Variants in EMC1 observed in about 807,000 individuals in gnomAD.
EMC1 encodes the protein KIAA0090.
Under a neutral mutation model 128.8 loss-of-function variants are expected in EMC1, and 103 were observed. The observed-to-expected ratio is 0.80, with a 90% CI of 0.68 to 0.94. The LOEUF (loss-of-function observed/expected upper bound fraction) is 0.94, where lower values mean the gene tolerates loss of function less well. Ranked by LOEUF, EMC1 falls within the 40% of genes least tolerant of loss-of-function variation. The pLI is 0.00. For missense variants in EMC1, 1,083 were observed against 1,250.6 expected (o/e 0.87, Z 2.02); for synonymous variants, 442 against 490.4 (o/e 0.90, Z 1.30).
intron 20 of EMC1, among the ~76,000 whole-genome samples, chr1:19,222,200 C>G (rs116027244): frequency 6.0e-5 from 9 of 150,132 alleles, no homozygotes; most frequent in Admixed American, 6.6e-5. Context: ...TGGCTCACAC[C>G]TGTAATCCCA....
intron 1 of EMC1, among the ~76,000 whole-genome samples, chr1:19,251,207 G>A (rs1043936529): frequency 6.6e-6 from 1 of 152,176 alleles, no homozygotes; most frequent in Non-Finnish European, 1.5e-5. Flanking sequence ...GATCAGCTTA[G>A]AATGACCCCT....
At position 19,223,583 on chromosome 1, in the gene EMC1, G is replaced by A. The variant is rs749893372; in HGVS notation, c.2203-14C>T. 1 of 1,612,364 alleles carries A rather than the reference G, an allele frequency of 6.2e-7. No homozygotes were observed. The highest frequency in any genetic ancestry group is 1.1e-5 in the South Asian group (1 of 90,998). ...GGGGTTCAGGCTCTGGAGAGAGAGA[G>A]AAAACCTCCCTTAGAACCACGACGA... On this transcript the variant is annotated splice_polypyrimidine_tract_variant and intron_variant, in intron 18 of 22. Transcript: ENST00000477853.
At position 19,223,535 on chromosome 1, in the gene EMC1, T is replaced by G; in HGVS notation, c.2237A>C (p.Glu746Ala). 1 of 1,614,150 alleles carries G rather than the reference T, an allele frequency of 6.2e-7. No individual in the cohort carries two copies. Among genetic ancestry groups the G allele is most frequent in the Non-Finnish European group, 8.5e-7 (1 of 1,180,032 alleles). ...LNPNLLAVVT[E>A]STDAHHERTF... ...GCGCTCATGGTGCGCGTCTGTGCTC[T>G]CTGTCACCACGGCCAGCAGGTTGGG... is the stretch of plus-strand genomic sequence containing the variant. The change falls in exon 19 of 23, where the codon GAG becomes GCG. Residue 746 changes from glutamate (E) to alanine (A), a missense_variant. By Grantham distance (107) the Glu-to-Ala change is moderately radical (BLOSUM62 -1). This residue lies in a region of EMC1 where 527 missense variants were observed against 644.1 expected (regional missense o/e 0.82). Transcript: ENST00000477853.
At position 19,243,654 on chromosome 1, in the gene EMC1, T is replaced by G; in HGVS notation, c.340A>C (p.Ile114Leu). Residue 114 changes from isoleucine to leucine, a missense_variant, in exon 4 of 23, where the codon ATC (isoleucine) becomes CTC (leucine). Physicochemically the swap from Ile to Leu is conservative, Grantham distance 5. Transcript: ENST00000477853. Reference sequence around the variant, plus strand: ...GTTATCTCCCAGTTCAGGCCCCCGATGTTAGTCTCCCAGGAACGCATGATT... The same window carrying G: ...GTTATCTCCCAGTTCAGGCCCCCGAGGTTAGTCTCCCAGGAACGCATGATT... ...GRIMRSWETN[I>L]GGLNWEITLD... The G allele has an allele frequency of 6.2e-7, 1 of 1,614,160 alleles. No individual in the cohort carries two copies. The highest frequency in any genetic ancestry group is 8.5e-7 in the Non-Finnish European group (1 of 1,180,020).
chr1:19,231,516 T>G, intron 15 of EMC1, 94 bp from the exon 16 acceptor site: 2 of 1,331,780 alleles, frequency 1.5e-6, no homozygotes, highest in Non-Finnish European at 2.1e-6. Flanking sequence ...TCAACAACTG[T>G]GGGGGTTCTC....
intron 1 of EMC1, among the ~76,000 whole-genome samples, chr1:19,245,641 T>TTTTTTTTTTTTTTA (rs2093628705): frequency 6.7e-6 from 1 of 149,222 alleles, no homozygotes; most frequent in African/African-American, 2.5e-5. Context: ...TTTTTTTTTT[T>TTTTTTTTTTTTTTA]GAGACGAAGT....
At position 19,238,856 on chromosome 1, in the gene EMC1, T is replaced by C. The variant is rs2093585767; in HGVS notation, c.1028A>G (p.Gln343Arg). Reference sequence around the variant, plus strand: ...CCCATCTTCAGAACTGCTACTTTTCTGCTATGAGAAAGAGAAGGACAGGAG... The same window carrying C: ...CCCATCTTCAGAACTGCTACTTTTCCGCTATGAGAAAGAGAAGGACAGGAG... ...AAVMACRNEV[Q>R]KSSSSEDGSM... is the part of the protein sequence containing the mutation. The change falls in exon 10 of 23, where the codon CAG becomes CGG. Residue 343 changes from glutamine to arginine, a missense_variant and splice_region_variant. Around this residue, in one of 3 missense-constraint regions of EMC1, gnomAD observed 544 missense variants for 572.4 expected, o/e 0.95. Transcript: ENST00000477853. 6.3e-7 allele frequency: 1 copy of C among 1,598,978 alleles called. No individual in the cohort carries two copies. Among genetic ancestry groups the C allele is most frequent in the Admixed American group, 1.7e-5 (1 of 59,912 alleles).
chr1:19,245,373 G>A (rs1016390752), intron 1 of EMC1, among the ~76,000 whole-genome samples: 16 of 151,976 alleles, frequency 1.1e-4, no homozygotes, highest in Admixed American at 1.3e-4. Context: ...CCCGGGAGGC[G>A]GAGGTTGCAG....
chr1:19,240,684 G>A (rs370456307), intron 6 of EMC1: 53 of 575,212 alleles, frequency 9.2e-5, no homozygotes, highest in African/African-American at 4.3e-4. Flanking sequence ...AAATATATCC[G>A]ATAATTTTAA....
chr1:19,246,038 G>A (rs896943473), intron 1 of EMC1, among the ~76,000 whole-genome samples: 2 of 151,960 alleles, frequency 1.3e-5, no homozygotes, highest in Non-Finnish European at 2.9e-5. Flanking sequence ...CCAGGAGGTC[G>A]AGGCTGCAGT....
At chr1:19,241,183 C>G in intron 5 of EMC1, 41 bp from the exon 6 acceptor site, 1 of 1,612,364 alleles carries the variant, frequency 6.2e-7, no homozygotes, top group Non-Finnish European at 8.5e-7. Context: ...AGCTTTCAAC[C>G]CAGGACAGGA....
chr1:19,237,554 C>T (rs1316238468), intron 11 of EMC1, among the ~76,000 whole-genome samples: 3 of 152,054 alleles, frequency 2.0e-5, no homozygotes, highest in Non-Finnish European at 4.4e-5. Flanking sequence ...GCTTTAGAAA[C>T]GAAGAAGCCA....
rs1030924993 is a variant in EMC1 at position 19,222,538 on chromosome 1, T to G, written c.2587+86A>C. On this transcript the variant is annotated intron_variant, in intron 20 of 22. Transcript: ENST00000477853. The stretch of plus-strand genomic sequence containing the variant: ...TCCCTTACAGGTGGTTCAACAAGGC[T>G]CTGCCAGCAATGTGTCCCTTGCTCT... 13 of 1,212,822 alleles carry G rather than the reference T, an allele frequency of 1.1e-5. No homozygotes were observed. In the African/African-American group the frequency reaches 1.9e-4, roughly 18 times the overall value. 75.1% of individuals were successfully genotyped at this position (1,212,822 alleles called of 1,614,324 possible).
At chr1:19,223,103 G>A in intron 19 of EMC1, 1 of 556,934 alleles carries the variant, frequency 1.8e-6, no homozygotes, top group South Asian at 2.5e-5. Flanking sequence ...CTAGGTGCCA[G>A]GCATTGTTCT....
chr1:19,218,244 G>A lies in EMC1; in HGVS notation c.*1059C>T, dbSNP rs1345026165. On this transcript the variant is annotated 3_prime_UTR_variant, in exon 23 of 23. Transcript: ENST00000477853. ...AAAACTTTTAGGATTTCTTTAATTT[G>A]TAGCAGAGACACAGTGGCCTAGCCA... 2 of 152,178 alleles carry A rather than the reference G, an allele frequency of 1.3e-5. No individual in the cohort carries two copies. Among genetic ancestry groups the A allele is most frequent in the Non-Finnish European group, 2.9e-5 (2 of 68,040 alleles). The allele number at this position is 152,178 out of a possible 1,614,324, so 9.4% of individuals were successfully genotyped here.
At chr1:19,235,905 T>C (rs1443267805) in intron 12 of EMC1, among the ~76,000 whole-genome samples, 1 of 151,334 alleles carries the variant, frequency 6.6e-6, no homozygotes, top group Non-Finnish European at 1.5e-5. Context: ...AATAAATAAA[T>C]AAATAAACAA....
At position 19,243,947 on chromosome 1, in the gene EMC1, T is replaced by A; in HGVS notation, c.286+3A>T. ...AATGGAGACACGGGAGGACTCTGCTTACCCTGTCCGTGCAGCAGCATGGCA... is the reference window on the plus strand; with the variant it reads ...AATGGAGACACGGGAGGACTCTGCTAACCCTGTCCGTGCAGCAGCATGGCA... On this transcript the variant is annotated splice_donor_region_variant and intron_variant, in intron 3 of 22. Transcript: ENST00000477853. 13 of 1,614,090 alleles carry A rather than the reference T, an allele frequency of 8.1e-6. No individual in the cohort carries two copies. The highest frequency in any genetic ancestry group is 1.1e-5 in the Non-Finnish European group (13 of 1,179,980).
At chr1:19,237,476 A>G (rs1160465958) in intron 11 of EMC1, among the ~76,000 whole-genome samples, 1 of 152,208 alleles carries the variant, frequency 6.6e-6, no homozygotes, top group African/African-American at 2.4e-5. Context: ...CTCCACGGGT[A>G]CCACGCCATT....
chr1:19,227,067 C>G (rs2093480420), intron 18 of EMC1, among the ~76,000 whole-genome samples: 1 of 152,070 alleles, frequency 6.6e-6, no homozygotes, highest in African/African-American at 2.4e-5. Context: ...AAAATAAGAG[C>G]TAACATCTGT....
Sources: gnomAD v4.1 joint callset for allele counts (sites outside exome capture counted in the v4.1 genomes callset) on GRCh38, gnomAD v4.1.1 for gene constraint, gnomAD v4.1.1 regional missense constraint, MANE v1.5 for transcripts, NCBI Gene and HGNC (gene_info 2026-07-23, HGNC 2026-07-21) for gene names.